The following PSPC1 variants were observed in gnomAD, a reference collection of about 807,000 sequenced individuals.
The protein encoded by PSPC1 is paraspeckle component 1.
In PSPC1, 14 loss-of-function variants were observed where a neutral mutation model predicts 51.6. The observed-to-expected ratio is 0.27, with a 90% confidence interval of 0.18 to 0.42. The LOEUF is 0.42. Among genes scored for constraint, PSPC1 ranks in the 10% least tolerant of loss-of-function variants. The pLI is 1.00. For missense variants in PSPC1, 406 were observed against 701.1 expected, an observed-to-expected ratio of 0.58 and a Z score of 4.75; for synonymous variants, 193 against 231.9, an observed-to-expected ratio of 0.83 and a Z score of 1.53.
chr13:19,718,040 T>C (rs1157105613), intron 6 of PSPC1, among the ~76,000 whole-genome samples: 1 of 151,932 alleles, frequency 6.6e-6, no homozygotes, highest in African/African-American at 2.4e-5. Context: ...GAGACCTCAC[T>C]CCAAAAAAAT....
intron 1 of PSPC1, among the ~76,000 whole-genome samples, chr13:19,774,995 C>T (rs1888967860): frequency 6.6e-6 from 1 of 151,638 alleles, no homozygotes; most frequent in South Asian, 2.1e-4. Context: ...GGCAACATAG[C>T]AAGACCTCTT....
At chr13:19,742,049 T>G (rs1345070848) in intron 4 of PSPC1, among the ~76,000 whole-genome samples, 1 of 152,028 alleles carries the variant, frequency 6.6e-6, no homozygotes, top group African/African-American at 2.4e-5. Flanking sequence ...GGAGAATCAC[T>G]TGAACCCGGG....
rs1015996673 is a variant in PSPC1, at chr13:19,750,727, C to A, written c.967+544G>T. On this transcript the variant is annotated intron_variant, in intron 4 of 8. Coordinates refer to ENST00000338910, the MANE Select transcript of PSPC1 (RefSeq NM_001354909.2). Reference sequence around the variant, plus strand: ...ATTTGATACTGGCACAATTTAATACCCGCAAATTACCTCCAACACTACTGC... The same window carrying A: ...ATTTGATACTGGCACAATTTAATACACGCAAATTACCTCCAACACTACTGC... Among the ~76,000 whole-genome samples, 7 of 151,940 alleles carry A rather than the reference C, an allele frequency of 4.6e-5. No homozygotes were observed. The South Asian group carries it at 8.3e-4, about 18-fold the overall frequency.
chr13:19,736,731 C>T (rs1593664311), intron 5 of PSPC1, among the ~76,000 whole-genome samples: 1 of 152,216 alleles, frequency 6.6e-6, no homozygotes, highest in Non-Finnish European at 1.5e-5. Flanking sequence ...AACAAGTATT[C>T]CACATCTCAG....
chr13:19,695,536 T>C (rs1426170753), intron 6 of PSPC1, among the ~76,000 whole-genome samples: 1 of 152,220 alleles, frequency 6.6e-6, no homozygotes, highest in East Asian at 1.9e-4. Context: ...TTAATCATCA[T>C]GCATAAATCT....
intron 4 of PSPC1, among the ~76,000 whole-genome samples, chr13:19,746,636 G>C (rs1886019345): frequency 6.6e-6 from 1 of 152,134 alleles, no homozygotes; most frequent in Admixed American, 6.5e-5. Context: ...GGGAACCGGA[G>C]GTTGTAGTGA....
At chr13:19,694,936 T>A (rs1027542840) in intron 6 of PSPC1, among the ~76,000 whole-genome samples, 7 of 152,264 alleles carry the variant, frequency 4.6e-5, no homozygotes, top group African/African-American at 1.7e-4. Context: ...GGTAAGATAT[T>A]ATTTGTCACT....
At chr13:19,743,525 T>C (rs767733968) in intron 4 of PSPC1, among the ~76,000 whole-genome samples, 19 of 152,202 alleles carry the variant, frequency 1.2e-4, no homozygotes, top group Non-Finnish European at 2.5e-4. Context: ...GCTCCAGCTA[T>C]TACATGATTC....
intron 2 of PSPC1, among the ~76,000 whole-genome samples, chr13:19,772,000 GTTCA>G (rs766912018): frequency 2.6e-5 from 4 of 152,254 alleles, no homozygotes; most frequent in South Asian, 2.1e-4. Context: ...TTGTATATAT[GTTCA>G]TTAAGTTAAA....
At position 19,728,438 on chromosome 13, in the gene PSPC1, A is replaced by AC. The variant is rs1491116096; in HGVS notation, c.1158+1800_1158+1801insG. 4.0e-4 allele frequency among the ~76,000 whole-genome samples: 42 copies of AC among 103,884 alleles called. No individual in the cohort carries two copies. The South Asian group carries it at 0.015, about 36-fold the overall frequency. 68.2% of individuals were successfully genotyped at this position (103,884 alleles called of 152,430 possible). ...ATAAGAGGGCCTAATTTCAAAGCTT[A>AC]AACACACACACACACACACACACAC... On this transcript the variant is annotated intron_variant, in intron 6 of 8. Transcript: ENST00000338910.
intron 4 of PSPC1, among the ~76,000 whole-genome samples, chr13:19,744,385 A>C (rs1885737736): frequency 6.6e-6 from 1 of 152,164 alleles, no homozygotes; most frequent in Non-Finnish European, 1.5e-5. Flanking sequence ...CTAATACTTA[A>C]AAGAACTATA....
intron 6 of PSPC1, among the ~76,000 whole-genome samples, chr13:19,719,461 C>A (rs1195530933): frequency 2.6e-5 from 4 of 152,140 alleles, no homozygotes; most frequent in Non-Finnish European, 5.9e-5. Context: ...TGCCACCGCA[C>A]CCAGCTAATT....
chr13:19,672,695 C>G (rs919592678), downstream of PSPC1: 4 of 157,342 alleles, frequency 2.5e-5, no homozygotes, highest in African/African-American at 9.6e-5. Flanking sequence ...ATGGCAGTCA[C>G]TTTGTAAATA....
At chr13:19,769,184 C>T (rs532782164) in intron 2 of PSPC1, among the ~76,000 whole-genome samples, 1 of 151,028 alleles carries the variant, frequency 6.6e-6, no homozygotes, top group East Asian at 1.9e-4. Flanking sequence ...GGCGCGGTGG[C>T]TCACGCCTGT....
chr13:19,769,686 G>C (rs1010386727), intron 2 of PSPC1, among the ~76,000 whole-genome samples: 6 of 152,082 alleles, frequency 3.9e-5, no homozygotes, highest in African/African-American at 1.4e-4. Flanking sequence ...AGCGAGCTGA[G>C]ATCGCGCCAT....
At chr13:19,742,444 A>C (rs1053592073) in intron 4 of PSPC1, among the ~76,000 whole-genome samples, 4 of 151,944 alleles carry the variant, frequency 2.6e-5, no homozygotes, top group African/African-American at 9.7e-5. Flanking sequence ...TCTACAAAAA[A>C]TACAAAAATC....
At chr13:19,748,656 T>TA (rs1399297358) in intron 4 of PSPC1, among the ~76,000 whole-genome samples, 1 of 151,942 alleles carries the variant, frequency 6.6e-6, no homozygotes, top group Non-Finnish European at 1.5e-5. Context: ...TAGTGAATGT[T>TA]ATACCACTGT....
intron 8 of PSPC1, among the ~76,000 whole-genome samples, chr13:19,703,830 TAGAA>T (rs1001216939): frequency 6.6e-6 from 1 of 152,200 alleles, no homozygotes; most frequent in Non-Finnish European, 1.5e-5. Flanking sequence ...TCCTTGAAGA[TAGAA>T]AGCACTAATA....
intron 5 of PSPC1, among the ~76,000 whole-genome samples, chr13:19,738,521 C>A (rs1327543018): frequency 6.6e-6 from 1 of 152,146 alleles, no homozygotes; most frequent in Non-Finnish European, 1.5e-5. Flanking sequence ...AACAAAAAGT[C>A]CTCCTACACA....
Sources: allele counts gnomAD v4.1 joint callset (sites outside exome capture counted in the v4.1 genomes callset), GRCh38; gene constraint gnomAD v4.1.1; transcripts MANE v1.5; gene names NCBI Gene and HGNC (gene_info 2026-07-23, HGNC 2026-07-21).